Variants in RPL23A observed in about 807,000 individuals in gnomAD.
RPL23A encodes the protein ribosomal protein L23a.
In RPL23A, 2 loss-of-function variants were observed where a neutral mutation model predicts 17.6. The ratio of observed to expected loss-of-function variants is 0.11; its 90% CI spans 0.05 to 0.36. The LOEUF is 0.36. Ranked by LOEUF, RPL23A falls within the 10% of genes least tolerant of loss-of-function variation. The pLI, the probability that RPL23A is intolerant of heterozygous loss-of-function variation, is 1.00. For missense variants in RPL23A, 132 were observed against 194.4 expected, an observed-to-expected ratio of 0.68 and a Z score of 1.91; for synonymous variants, 65 against 74.3, an observed-to-expected ratio of 0.87 and a Z score of 0.65.
In RPL23A at chr17:28,720,726, T is replaced by A; in HGVS notation, c.45T>A (p.Ala15=). ...AKKEAPAPPK[A]EAKAKALKAK... is the part of the protein sequence containing the mutation. ...TCCCAGCTCCTGCCCCTCCTAAAGC[T>A]GAAGCCAAAGCGAAGGCTTTAAAGG... Residue 15 remains alanine (A), a synonymous_variant, in exon 2 of 5, where the codon GCT becomes GCA. Transcript: ENST00000422514. The A allele has an allele frequency of 6.2e-7, 1 of 1,613,946 alleles. No individual in the cohort carries two copies. Among genetic ancestry groups the A allele is most frequent in the South Asian group, 1.1e-5 (1 of 91,078 alleles).
At position 28,723,556 on chromosome 17, in the gene RPL23A, C is replaced by T. The variant is rs1445780864; in HGVS notation, c.387-15C>T. On this transcript the variant is annotated splice_polypyrimidine_tract_variant and intron_variant, in intron 3 of 4. Coordinates refer to ENST00000422514, the MANE Select transcript of RPL23A (RefSeq NM_000984.6). ...GTGAGGGTGGCAGGGACTAAGGCTT[C>T]CTTCTCTACCCTAGGCCTGATGGAG... 2.5e-6 allele frequency: 4 copies of T among 1,609,882 alleles called. No homozygotes were observed. In the South Asian group the frequency reaches 4.4e-5, roughly 18 times the overall value.
At chr17:28,723,323 A>T (rs558603653) in intron 3 of RPL23A, 4 of 682,536 alleles carry the variant, frequency 5.9e-6, no homozygotes, top group Non-Finnish European at 1.1e-5. Context: ...CTATTGGGAA[A>T]GGCAACTAGA....
chr17:28,723,764 A>G (rs752442551), intron 4 of RPL23A, 103 bp from the exon 5 acceptor site: 1 of 1,392,532 alleles, frequency 7.2e-7, no homozygotes. Flanking sequence ...CCTATCCTTG[A>G]CAAACCTTAT....
intron 3 of RPL23A, among the ~76,000 whole-genome samples, chr17:28,723,113 TAAAA>T (rs774938617): frequency 3.0e-5 from 4 of 131,506 alleles, no homozygotes; most frequent in African/African-American, 8.4e-5. Flanking sequence ...AGGCCCTTTT[TAAAA>T]AAAAAAAAAA....
At chr17:28,720,367 C>T (rs997639789) in intron 1 of RPL23A, 3 of 1,558,966 alleles carry the variant, frequency 1.9e-6, no homozygotes, top group Non-Finnish European at 2.6e-6. Context: ...CATTTTCCTT[C>T]TGGTTCATGT....
rs1222255350 is a variant in RPL23A at position 28,724,350 on chromosome 17, C to A, written c.*469C>A. 1 of 960,354 alleles carries A rather than the reference C, an allele frequency of 1.0e-6. No individual in the cohort carries two copies. Among genetic ancestry groups the A allele is most frequent in the Non-Finnish European group, 1.6e-6 (1 of 640,926 alleles). 59.5% of individuals were successfully genotyped at this position (960,354 alleles called of 1,614,324 possible). A position where few individuals can be genotyped will look rare whatever the true frequency, so the allele number is the denominator to read the frequency against. On this transcript the variant is annotated 3_prime_UTR_variant, in exon 5 of 5. Coordinates refer to ENST00000422514, the MANE Select transcript of RPL23A (RefSeq NM_000984.6). Reference sequence around the variant, plus strand: ...CTTGCCCAATAAAGGACAAGGACTTCAGAGGAGTACTTTCATTAGTGTTTT... The same window carrying A: ...CTTGCCCAATAAAGGACAAGGACTTAAGAGGAGTACTTTCATTAGTGTTTT...
rs995334951 is a variant in RPL23A at position 28,724,178 on chromosome 17, A to C, written c.*297A>C. Reference sequence around the variant, plus strand: ...GTACAAGAACCCCTTTTATCCCTGGAAGAGGCTGTGTATGAAACCAATGCC... The same window carrying C: ...GTACAAGAACCCCTTTTATCCCTGGCAGAGGCTGTGTATGAAACCAATGCC... On this transcript the variant is annotated 3_prime_UTR_variant, in exon 5 of 5. Transcript: ENST00000422514. The C allele has an allele frequency of 4.0e-6, 2 of 498,110 alleles. No homozygotes were observed. The highest frequency in any genetic ancestry group is 1.9e-5 in the African/African-American group (1 of 52,428). The allele number at this position is 498,110 out of a possible 1,614,324, so 30.9% of individuals were successfully genotyped here.
chr17:28,720,288 C>A, intron 1 of RPL23A: 1 of 1,549,358 alleles, frequency 6.5e-7, no homozygotes, highest in Non-Finnish European at 8.7e-7. Flanking sequence ...TTCTGGGAAG[C>A]TACATGCATC....
intron 1 of RPL23A, chr17:28,720,350 C>G (rs1160309386): frequency 4.4e-5 from 68 of 1,552,664 alleles, no homozygotes; most frequent in Non-Finnish European, 5.3e-5. Flanking sequence ...GTGCCCTCAG[C>G]TTTAACCATT....
chr17:28,722,453 A>G, intron 2 of RPL23A: 1 of 558,774 alleles, frequency 1.8e-6, no homozygotes, highest in South Asian at 1.5e-5. Context: ...CTGGGAATAC[A>G]GCCATGAGCC....
At chr17:28,720,298 C>CCACTG (rs757887187) in intron 1 of RPL23A, 3 of 1,550,042 alleles carry the variant, frequency 1.9e-6, no homozygotes, top group Non-Finnish European at 2.6e-6. Flanking sequence ...CTACATGCAT[C>CCACTG]CACTGGTTGG....
chr17:28,720,232 G>GA lies in RPL23A; in HGVS notation c.25+202_25+203insA. On this transcript the variant is annotated intron_variant, in intron 1 of 4. Coordinates refer to ENST00000422514, the MANE Select transcript of RPL23A (RefSeq NM_000984.6). ...AGTTCCGGTAGAGGGAGTTGGGGGG[G>GA]GGCAACGCGGCAGGCATCATCCGCC... is the stretch of plus-strand genomic sequence containing the variant. The GA allele has an allele frequency of 5.8e-6, 9 of 1,539,198 alleles. No individual in the cohort carries two copies. In the South Asian group the frequency reaches 9.6e-5, roughly 16 times the overall value.
chr17:28,720,233 G>GC (rs1161904884), intron 1 of RPL23A: 22 of 1,539,206 alleles, frequency 1.4e-5, no homozygotes, highest in East Asian at 2.5e-5. Flanking sequence ...GTTGGGGGGG[G>GC]GCAACGCGGC....
chr17:28,721,783 A>C (rs2034118930), intron 2 of RPL23A: 1 of 152,150 alleles, frequency 6.6e-6, no homozygotes, highest in Non-Finnish European at 1.5e-5. Flanking sequence ...CTCTTTCTTA[A>C]CAGAAAAAGT....
intron 2 of RPL23A, 23 bp from the exon 3 acceptor site, chr17:28,722,700 T>G (rs751976073): frequency 6.2e-7 from 1 of 1,611,684 alleles, no homozygotes; most frequent in Non-Finnish European, 8.5e-7. Flanking sequence ...CCAGGCCAGG[T>G]GACCCCATTT....
In RPL23A at chr17:28,722,825, C is replaced by T. The variant is rs757725912; in HGVS notation, c.312C>T (p.Ala104=). 6.2e-7 allele frequency: 1 copy of T among 1,613,692 alleles called. No homozygotes were observed. The highest frequency in any genetic ancestry group is 1.1e-5 in the South Asian group (1 of 91,066). The stretch of plus-strand genomic sequence containing the variant: ...TTGTGTTCATTGTGGATGTTAAAGC[C>T]AACAAGCACCAGATTAAACAGGCTG... The part of the protein sequence containing the change: ...NTLVFIVDVK[A]NKHQIKQAVK... The change falls in exon 3 of 5, where the codon GCC becomes GCT. Residue 104 remains alanine (A), a synonymous_variant. Coordinates refer to ENST00000422514, the MANE Select transcript of RPL23A (RefSeq NM_000984.6).
chr17:28,722,353 A>G, intron 2 of RPL23A: 1 of 349,078 alleles, frequency 2.9e-6, no homozygotes, highest in Admixed American at 3.7e-5. Context: ...TAATTTTTGT[A>G]TTTTTAGTTG....
chr17:28,723,735 A>G (rs1220335293), intron 4 of RPL23A, 95 bp downstream of exon 4: 2 of 1,385,206 alleles, frequency 1.4e-6, no homozygotes, highest in Non-Finnish European at 2.1e-6. Context: ...CTGATTAGTC[A>G]TAATTAACTG....
At chr17:28,722,690 C>T (rs987418857) in intron 2 of RPL23A, 33 bp from the exon 3 acceptor site, 2 of 1,602,440 alleles carry the variant, frequency 1.2e-6, no homozygotes, top group African/African-American at 1.3e-5. Context: ...AAGAATGGGC[C>T]CAGGCCAGGT....
Sources: allele counts gnomAD v4.1 joint callset (sites outside exome capture counted in the v4.1 genomes callset), GRCh38; gene constraint gnomAD v4.1.1; transcripts MANE v1.5; gene names NCBI Gene and HGNC (gene_info 2026-07-23, HGNC 2026-07-21).